Variants in PAFAH1B1 observed in about 807,000 individuals in gnomAD.
PAFAH1B1 encodes platelet activating factor acetylhydrolase 1b regulatory subunit 1.
In PAFAH1B1, 2 loss-of-function variants were observed where a neutral mutation model predicts 57.5. That is an observed-to-expected ratio of 0.03 (90% CI 0.01 to 0.11). PAFAH1B1 has a LOEUF of 0.11. Among genes scored for constraint, PAFAH1B1 ranks in the 10% least tolerant of loss-of-function variants. The pLI is 1.00. For missense variants in PAFAH1B1, 257 were observed against 512.0 expected (o/e 0.50, Z 4.81); for synonymous variants, 152 against 169.6 (o/e 0.90, Z 0.81).
At chr17:2,598,310 A>G (rs558331743) in intron 1 of PAFAH1B1, among the ~76,000 whole-genome samples, 1 of 152,228 alleles carries the variant, frequency 6.6e-6, no homozygotes, top group Non-Finnish European at 1.5e-5. Context: ...AAAGCAAAAT[A>G]TTAGGGCAGA....
At chr17:2,654,945 TTTTTTC>T (rs1234242338) in intron 2 of PAFAH1B1, among the ~76,000 whole-genome samples, 1 of 149,912 alleles carries the variant, frequency 6.7e-6, no homozygotes, top group African/African-American at 2.5e-5. Flanking sequence ...CGTGGCTTTT[TTTTTTC>T]TTCTTTTTTT....
intron 2 of PAFAH1B1, chr17:2,638,711 T>C: frequency 4.6e-6 from 1 of 216,942 alleles, no homozygotes; most frequent in South Asian, 6.2e-5. Flanking sequence ...TTTCACCATC[T>C]TGTCCAGGCT....
At chr17:2,666,924 T>C (rs941373763) in intron 4 of PAFAH1B1, 68 bp from the exon 5 acceptor site, 21 of 1,277,174 alleles carry the variant, frequency 1.6e-5, no homozygotes, top group Non-Finnish European at 2.3e-5. Context: ...ATAAAGGCAG[T>C]TTTTTAAAAT....
chr17:2,674,066 T>C lies in PAFAH1B1; in HGVS notation c.678T>C (p.Cys226=), dbSNP rs2069226330. ...IKMWEVQTGY[C]VKTFTGHREW... The stretch of plus-strand genomic sequence containing the variant: ...TTATTATTTATATTGACAGCTACTG[T>C]GTGAAGACATTCACAGGACACAGAG... Residue 226 remains cysteine (C), a synonymous_variant, in exon 8 of 11, where the codon TGT becomes TGC. Coordinates refer to ENST00000397195, the MANE Select transcript of PAFAH1B1 (RefSeq NM_000430.4). 4.4e-6 allele frequency: 7 copies of C among 1,608,524 alleles called. No individual in the cohort carries two copies. Among genetic ancestry groups the C allele is most frequent in the African/African-American group, 1.3e-5 (1 of 74,798 alleles).
chr17:2,674,751 G>C (rs765314064), intron 8 of PAFAH1B1, among the ~76,000 whole-genome samples: 3 of 152,194 alleles, frequency 2.0e-5, no homozygotes, highest in Non-Finnish European at 4.4e-5. Context: ...CCATATGGCA[G>C]CCTCTGATGT....
chr17:2,665,532 C>T lies in PAFAH1B1; in HGVS notation c.117+76C>T, dbSNP rs544296111. ...CTCAAGTATCTGTAGTTAACAGTTACGCACAATTTTGTCATTTGTTATTGT... is the reference window on the plus strand; with the variant it reads ...CTCAAGTATCTGTAGTTAACAGTTATGCACAATTTTGTCATTTGTTATTGT... On this transcript the variant is annotated intron_variant, in intron 3 of 10. Transcript: ENST00000397195. The T allele has an allele frequency of 8.3e-4, 717 of 862,580 alleles. 3 individuals carry two copies. The highest frequency in any genetic ancestry group is 1.2e-3 in the Non-Finnish European group (600 of 509,686). The allele number at this position is 862,580 out of a possible 1,614,324, so 53.4% of individuals were successfully genotyped here.
At chr17:2,675,365 A>G (rs1250331099) in intron 8 of PAFAH1B1, among the ~76,000 whole-genome samples, 1 of 152,162 alleles carries the variant, frequency 6.6e-6, no homozygotes, top group African/African-American at 2.4e-5. Flanking sequence ...TCAATAAACA[A>G]AGGAGGCAGT....
chr17:2,595,797 T>C (rs184851250), intron 1 of PAFAH1B1, among the ~76,000 whole-genome samples: 3 of 152,308 alleles, frequency 2.0e-5, no homozygotes, highest in African/African-American at 7.2e-5. Flanking sequence ...AATCCAATTT[T>C]TCACTTGAAG....
intron 1 of PAFAH1B1, among the ~76,000 whole-genome samples, chr17:2,614,644 G>T (rs2068314878): frequency 6.6e-6 from 1 of 151,586 alleles, no homozygotes; most frequent in Non-Finnish European, 1.5e-5. Context: ...GTGTCATCAT[G>T]GCTCACCAAA....
intron 2 of PAFAH1B1, among the ~76,000 whole-genome samples, chr17:2,644,867 C>T (rs1336412196): frequency 6.6e-6 from 1 of 152,032 alleles, no homozygotes; most frequent in African/African-American, 2.4e-5. Context: ...CAAAAGAGAG[C>T]TTTTAATTTG....
intron 1 of PAFAH1B1, among the ~76,000 whole-genome samples, chr17:2,597,869 C>T (rs1043681242): frequency 6.6e-6 from 1 of 151,984 alleles, no homozygotes; most frequent in Non-Finnish European, 1.5e-5. Context: ...ATAAGACCCT[C>T]TTGTTTACAT....
At chr17:2,668,571 C>G (rs1427404658) in intron 5 of PAFAH1B1, among the ~76,000 whole-genome samples, 1 of 151,962 alleles carries the variant, frequency 6.6e-6, no homozygotes, top group Non-Finnish European at 1.5e-5. Flanking sequence ...CCTAGCTACT[C>G]AGGAGGCTGA....
chr17:2,646,982 A>G (rs141824259), intron 2 of PAFAH1B1, among the ~76,000 whole-genome samples: 3,804 of 152,256 alleles, frequency 0.025, 169 homozygotes, highest in African/African-American at 0.087. Flanking sequence ...CTGTAACCCC[A>G]GCACTCAGAG....
At chr17:2,607,549 A>G (rs1169258707) in intron 1 of PAFAH1B1, among the ~76,000 whole-genome samples, 1 of 151,256 alleles carries the variant, frequency 6.6e-6, no homozygotes, top group Non-Finnish European at 1.5e-5. Context: ...CAGCAGCACC[A>G]TCTCGGCTCA....
At chr17:2,666,597 T>C (rs1298155638) in intron 4 of PAFAH1B1, among the ~76,000 whole-genome samples, 2 of 152,152 alleles carry the variant, frequency 1.3e-5, no homozygotes, top group Non-Finnish European at 2.9e-5. Flanking sequence ...TCAATAAATA[T>C]TAGCTTTTAT....
At chr17:2,605,230 G>T (rs1300773089) in intron 1 of PAFAH1B1, among the ~76,000 whole-genome samples, 2 of 152,136 alleles carry the variant, frequency 1.3e-5, no homozygotes, top group Non-Finnish European at 2.9e-5. Context: ...GATGGGGAGA[G>T]GCAAGTTGAA....
At chr17:2,640,851 C>CA (rs1597544382) in intron 2 of PAFAH1B1, 1 of 152,286 alleles carries the variant, frequency 6.6e-6, no homozygotes, top group South Asian at 2.1e-4. Flanking sequence ...ATCTGCCCCT[C>CA]AGTTTTCATC....
intron 1 of PAFAH1B1, among the ~76,000 whole-genome samples, chr17:2,629,624 C>T (rs1375478245): frequency 2.6e-5 from 4 of 152,208 alleles, no homozygotes; most frequent in African/African-American, 7.2e-5. Flanking sequence ...AGTTTAAATC[C>T]GTTGTTCCTT....
rs1353449357 is a variant in PAFAH1B1, at chr17:2,683,517, G to A, written c.*1715G>A. 1 of 152,158 alleles carries A rather than the reference G, an allele frequency of 6.6e-6. No individual in the cohort carries two copies. Among genetic ancestry groups the A allele is most frequent in the Non-Finnish European group, 1.5e-5 (1 of 68,034 alleles). 9.4% of individuals were successfully genotyped at this position (152,158 alleles called of 1,614,324 possible). A position where few individuals can be genotyped will look rare whatever the true frequency, so the allele number is the denominator to read the frequency against. On this transcript the variant is annotated 3_prime_UTR_variant, in exon 11 of 11. Transcript: ENST00000397195. ...TCCTGTAGATACACACAGAGACTAG[G>A]CCGTATATTAACTAGAAGCAGCTTT...
Sources: allele counts gnomAD v4.1 joint callset (sites outside exome capture counted in the v4.1 genomes callset), GRCh38; gene constraint gnomAD v4.1.1; transcripts MANE v1.5; gene names NCBI Gene and HGNC (gene_info 2026-07-23, HGNC 2026-07-21).